The following L3MBTL4 variants were observed in gnomAD, a reference collection of about 807,000 sequenced individuals.
L3MBTL4 encodes the protein L3MBTL histone methyl-lysine binding protein 4, also known as lethal(3)malignant brain tumor-like protein 4.
In L3MBTL4, 70 loss-of-function variants were observed where a neutral mutation model predicts 84.5. That is an observed-to-expected ratio of 0.83 (90% confidence interval 0.68 to 1.01). The LOEUF is 1.01. Ranked by LOEUF, L3MBTL4 falls within the 50% of genes least tolerant of loss-of-function variation. The probability of loss-of-function intolerance (pLI) is 0.00; values close to 1 mark genes in which losing one functional copy is unlikely to be tolerated. For missense variants in L3MBTL4, 715 were observed against 754.8 expected (o/e 0.95, Z 0.62); for synonymous variants, 274 against 259.8 (o/e 1.05, Z -0.52).
chr18:5,997,521 TCACA>T (rs2054028671), intron 16 of L3MBTL4, among the ~76,000 whole-genome samples: 1 of 152,188 alleles, frequency 6.6e-6, no homozygotes, highest in South Asian at 2.1e-4. Flanking sequence ...TACCTTCCTC[TCACA>T]TGTAAATTGT....
intron 16 of L3MBTL4, among the ~76,000 whole-genome samples, chr18:5,973,314 G>T (rs964447625): frequency 1.3e-5 from 2 of 152,182 alleles, no homozygotes; most frequent in African/African-American, 4.8e-5. Context: ...ACTGCAGGGT[G>T]GACATCTGCT....
At chr18:5,966,711 C>A (rs955145912) in intron 17 of L3MBTL4, among the ~76,000 whole-genome samples, 1 of 152,198 alleles carries the variant, frequency 6.6e-6, no homozygotes, top group African/African-American at 2.4e-5. Flanking sequence ...ACGTTATCCT[C>A]CTGGCCCCAA....
chr18:6,305,755 C>T lies in L3MBTL4; in HGVS notation c.73-3798G>A, dbSNP rs377411728. 1.7e-3 allele frequency among the ~76,000 whole-genome samples: 253 copies of T among 152,256 alleles called. 1 individual carries two copies. The highest frequency in any genetic ancestry group is 1.5e-3 in the Non-Finnish European group (99 of 68,014). On this transcript the variant is annotated intron_variant, in intron 3 of 18. Coordinates refer to ENST00000317931, the MANE Select transcript of L3MBTL4 (RefSeq NM_001330559.2). ...ACAGGATTATGAAGTGGGAAAATAA[C>T]CAAAAAGGCTTAATGTTCTGTTCCC...
chr18:6,106,057 G>C (rs985672459), intron 14 of L3MBTL4, among the ~76,000 whole-genome samples: 1 of 152,152 alleles, frequency 6.6e-6, no homozygotes, highest in African/African-American at 2.4e-5. Flanking sequence ...CTGTGAAGTA[G>C]GGACTGTTAT....
chr18:6,030,030 T>C (rs540330762), intron 16 of L3MBTL4: 42 of 985,462 alleles, frequency 4.3e-5, no homozygotes, highest in South Asian at 9.4e-5. Flanking sequence ...TGGTCACTTA[T>C]AGTGTGCCGC....
At chr18:6,275,518 T>C (rs758570907) in intron 4 of L3MBTL4, among the ~76,000 whole-genome samples, 11 of 152,074 alleles carry the variant, frequency 7.2e-5, no homozygotes, top group Non-Finnish European at 1.2e-4. Flanking sequence ...CTCGGGATCG[T>C]TTCCACTGAA....
intron 14 of L3MBTL4, among the ~76,000 whole-genome samples, chr18:6,119,321 C>T (rs1057297122): frequency 2.0e-5 from 3 of 152,042 alleles, no homozygotes; most frequent in Admixed American, 2.0e-4. Context: ...TGCAAACAGC[C>T]GAACAATTGC....
chr18:6,138,971 A>C (rs2060115334), intron 13 of L3MBTL4, among the ~76,000 whole-genome samples: 1 of 152,204 alleles, frequency 6.6e-6, no homozygotes, highest in Non-Finnish European at 1.5e-5. Flanking sequence ...GCCTCCACTC[A>C]ACCACAGCAA....
chr18:6,129,868 T>C (rs1325796025), intron 14 of L3MBTL4, among the ~76,000 whole-genome samples: 1 of 152,200 alleles, frequency 6.6e-6, no homozygotes, highest in Non-Finnish European at 1.5e-5. Context: ...ACTTGATGTA[T>C]ATCTTTAGTC....
At chr18:6,238,118 G>T (rs1378698927) in intron 9 of L3MBTL4, 78 bp from the exon 10 acceptor site, 2 of 1,214,216 alleles carry the variant, frequency 1.6e-6, no homozygotes, top group Admixed American at 3.4e-5. Context: ...AATCATTCTG[G>T]ATATCAACAG....
intron 14 of L3MBTL4, among the ~76,000 whole-genome samples, chr18:6,128,749 C>G (rs1394596233): frequency 1.3e-5 from 2 of 152,096 alleles, no homozygotes; most frequent in East Asian, 1.9e-4. Context: ...GTGAAAAGAG[C>G]TCTCCAAGCC....
At chr18:6,361,895 C>T (rs561320195) in intron 1 of L3MBTL4, among the ~76,000 whole-genome samples, 145 of 151,974 alleles carry the variant, frequency 9.5e-4, no homozygotes, top group African/African-American at 2.6e-3. Flanking sequence ...GCAGGGTGAC[C>T]GCTTGACTCC....
At chr18:6,208,116 A>AAAATAAATAAAT (rs71163265) in intron 12 of L3MBTL4, among the ~76,000 whole-genome samples, 36 of 144,506 alleles carry the variant, frequency 2.5e-4, no homozygotes, top group Non-Finnish European at 2.9e-4. Flanking sequence ...CCCTGTCTAA[A>AAAATAAATAAAT]AAATAAATAA....
intron 17 of L3MBTL4, among the ~76,000 whole-genome samples, chr18:5,964,506 T>G (rs2052237218): frequency 1.3e-5 from 2 of 151,252 alleles, no homozygotes; most frequent in African/African-American, 4.9e-5. Flanking sequence ...CAGAGTTTAT[T>G]TGCCTTTTTT....
At chr18:6,276,286 C>T (rs1320680715) in intron 4 of L3MBTL4, among the ~76,000 whole-genome samples, 1 of 152,162 alleles carries the variant, frequency 6.6e-6, no homozygotes, top group Non-Finnish European at 1.5e-5. Flanking sequence ...GTCATCAGGA[C>T]CTCCTGAGGG....
At chr18:5,993,075 T>C (rs997387656) in intron 16 of L3MBTL4, among the ~76,000 whole-genome samples, 1 of 152,190 alleles carries the variant, frequency 6.6e-6, no homozygotes, top group African/African-American at 2.4e-5. Flanking sequence ...GCCAGCTATG[T>C]CTGAAAGTTC....
In L3MBTL4 at chr18:6,028,412, A is replaced by C. The variant is rs188032352; in HGVS notation, c.1444+52469T>G. 2.6e-5 allele frequency among the ~76,000 whole-genome samples: 4 copies of C among 152,314 alleles called. No homozygotes were observed. In the East Asian group the frequency reaches 7.7e-4, roughly 29 times the overall value. ...CAGACCTTATATCTGTTTTGGTAAC[A>C]GTACCATGCTGTTTCAGTTACTGTA... On this transcript the variant is annotated intron_variant, in intron 16 of 18. Coordinates refer to ENST00000317931, the MANE Select transcript of L3MBTL4 (RefSeq NM_001330559.2).
At chr18:6,227,764 T>C (rs1201337984) in intron 10 of L3MBTL4, among the ~76,000 whole-genome samples, 1 of 152,142 alleles carries the variant, frequency 6.6e-6, no homozygotes, top group Non-Finnish European at 1.5e-5. Context: ...CTAGAACTCC[T>C]GGGCTCAAGC....
chr18:6,049,495 A>G (rs1357257791), intron 16 of L3MBTL4, among the ~76,000 whole-genome samples: 1 of 152,244 alleles, frequency 6.6e-6, no homozygotes, highest in East Asian at 1.9e-4. Context: ...TGGATTGGAT[A>G]AAGAATATCT....
Sources: allele counts gnomAD v4.1 joint callset (sites outside exome capture counted in the v4.1 genomes callset), GRCh38; gene constraint gnomAD v4.1.1; transcripts MANE v1.5; gene names NCBI Gene and HGNC (gene_info 2026-07-23, HGNC 2026-07-21).